The following DPP6 variants were observed in gnomAD, a reference collection of about 807,000 sequenced individuals.
DPP6 encodes the protein A-type potassium channel modulatory protein DPP6.
Under a neutral mutation model 122.6 loss-of-function variants are expected in DPP6, and 69 were observed. The observed-to-expected ratio is 0.56, with a 90% CI of 0.46 to 0.69. The LOEUF is 0.69. Ranked by LOEUF, DPP6 falls within the 30% of genes least tolerant of loss-of-function variation. The pLI is 0.00. For missense variants in DPP6, 928 were observed against 1,116.9 expected (o/e 0.83, Z 2.41); for synonymous variants, 418 against 433.1 (o/e 0.97, Z 0.43).
At chr7:154,252,025 T>A (rs763923595) in intron 1 of DPP6, among the ~76,000 whole-genome samples, 1 of 152,216 alleles carries the variant, frequency 6.6e-6, no homozygotes, top group Non-Finnish European at 1.5e-5. Flanking sequence ...GAGCACCTTG[T>A]GAAATAACAT....
intron 1 of DPP6, among the ~76,000 whole-genome samples, chr7:154,432,044 A>AATG (rs1818471575): frequency 6.6e-6 from 1 of 152,060 alleles, no homozygotes; most frequent in South Asian, 2.1e-4. Flanking sequence ...TGGAAGAAAA[A>AATG]ATGGGGGTAA....
At chr7:153,956,104 G>A (rs1271542740) in intron 1 of DPP6, among the ~76,000 whole-genome samples, 3 of 152,210 alleles carry the variant, frequency 2.0e-5, no homozygotes, top group South Asian at 2.1e-4. Flanking sequence ...TCCTGTGACC[G>A]AGCCAAGGGT....
intron 7 of DPP6, among the ~76,000 whole-genome samples, chr7:154,713,824 G>T (rs1841332153): frequency 6.6e-6 from 1 of 152,170 alleles, no homozygotes; most frequent in East Asian, 1.9e-4. Flanking sequence ...TTAACATTGG[G>T]TTCCTTGTTA....
At chr7:154,455,453 G>A (rs746393444) in intron 2 of DPP6, among the ~76,000 whole-genome samples, 22 of 152,138 alleles carry the variant, frequency 1.4e-4, no homozygotes, top group Admixed American at 2.6e-4. Context: ...CCTTGAACAT[G>A]ACCAGTGAAT....
At chr7:154,091,120 C>CAAAA (rs71850251) in intron 1 of DPP6, among the ~76,000 whole-genome samples, 1 of 123,246 alleles carries the variant, frequency 8.1e-6, no homozygotes, top group African/African-American at 2.8e-5. Flanking sequence ...GACTCCTTCT[C>CAAAA]AAAAAAAAAA....
At chr7:154,432,049 G>A (rs1359521624) in intron 1 of DPP6, among the ~76,000 whole-genome samples, 1 of 152,114 alleles carries the variant, frequency 6.6e-6, no homozygotes, top group Non-Finnish European at 1.5e-5. Context: ...GAAAAAATGG[G>A]GGTAACGGTA....
chr7:153,908,617 A>G (rs532048878), intron 1 of DPP6, among the ~76,000 whole-genome samples: 1 of 152,320 alleles, frequency 6.6e-6, no homozygotes, highest in African/African-American at 2.4e-5. Context: ...AATTCAATGT[A>G]TTTCAAATGA....
At chr7:153,842,428 T>C in the DPP6 span, among the ~76,000 whole-genome samples, 1 of 152,172 alleles carries the variant, frequency 6.6e-6, no homozygotes, top group Non-Finnish European at 1.5e-5. Flanking sequence ...ATTTGCCTTA[T>C]AGGTTTTTCT....
intron 7 of DPP6, among the ~76,000 whole-genome samples, chr7:154,701,575 G>T (rs1840530955): frequency 6.6e-6 from 1 of 152,222 alleles, no homozygotes; most frequent in African/African-American, 2.4e-5. Context: ...TTAGCGTGGT[G>T]TGCGGGGAGT....
intron 1 of DPP6, among the ~76,000 whole-genome samples, chr7:154,066,295 G>A (rs1376940884): frequency 1.3e-5 from 2 of 152,064 alleles, no homozygotes; most frequent in Non-Finnish European, 2.9e-5. Context: ...CCTGGCCTCA[G>A]GTGATCTGCC....
At chr7:154,072,375 A>G (rs541948444) in intron 1 of DPP6, among the ~76,000 whole-genome samples, 2 of 152,206 alleles carry the variant, frequency 1.3e-5, no homozygotes, top group South Asian at 2.1e-4. Flanking sequence ...TGCTAACAGC[A>G]TGCTGCTGCT....
At position 154,199,514 on chromosome 7, in the gene DPP6, C is replaced by T. The variant is rs146616077; in HGVS notation, c.243+146451C>T. On this transcript the variant is annotated intron_variant, in intron 1 of 25. Transcript: ENST00000377770. The stretch of plus-strand genomic sequence containing the variant: ...TACACATTTTGTTCATTTATTTGCC[C>T]GTCCTTTAGATATTCATGAAGAATT... Among the ~76,000 whole-genome samples the T allele has an allele frequency of 5.3e-5, 8 of 152,168 alleles. No homozygotes were observed. In the East Asian group the frequency reaches 1.5e-3, roughly 29 times the overall value.
chr7:154,555,246 T>C (rs987480982), intron 4 of DPP6, among the ~76,000 whole-genome samples: 13 of 152,124 alleles, frequency 8.5e-5, no homozygotes, highest in African/African-American at 3.1e-4. Context: ...AAACCTAACA[T>C]ATATTAGTTT....
chr7:154,888,088 T>C (rs1472330413), intron 23 of DPP6, among the ~76,000 whole-genome samples: 1 of 67,688 alleles, frequency 1.5e-5, no homozygotes, highest in Non-Finnish European at 2.5e-5. Context: ...GAGAGTGAGC[T>C]TTTTTTTTTT....
intron 1 of DPP6, among the ~76,000 whole-genome samples, chr7:153,894,836 A>G (rs1250169539): frequency 6.6e-6 from 1 of 152,192 alleles, no homozygotes; most frequent in Non-Finnish European, 1.5e-5. Context: ...TTGAATAAAT[A>G]TTGCCATCAA....
chr7:154,253,304 C>G (rs898582978), intron 1 of DPP6, among the ~76,000 whole-genome samples: 1 of 152,166 alleles, frequency 6.6e-6, no homozygotes, highest in African/African-American at 2.4e-5. Flanking sequence ...CTGGTAGGTA[C>G]CTGGAGCAGG....
intron 1 of DPP6, among the ~76,000 whole-genome samples, chr7:154,007,951 C>G (rs1204931060): frequency 6.6e-6 from 1 of 152,202 alleles, no homozygotes; most frequent in Non-Finnish European, 1.5e-5. Context: ...TGAGGCATAC[C>G]ATGCCGTGAG....
At chr7:154,596,738 T>A (rs1833118108) in intron 5 of DPP6, among the ~76,000 whole-genome samples, 1 of 152,188 alleles carries the variant, frequency 6.6e-6, no homozygotes, top group Non-Finnish European at 1.5e-5. Flanking sequence ...ATAAGAATAA[T>A]GAGCCCTTAA....
intron 1 of DPP6, among the ~76,000 whole-genome samples, chr7:154,355,886 G>C (rs1811234851): frequency 1.3e-5 from 2 of 152,060 alleles, no homozygotes; most frequent in African/African-American, 4.8e-5. Context: ...CACTCACATA[G>C]TGGTTGAGAT....
Sources: gnomAD v4.1 joint callset for allele counts (sites outside exome capture counted in the v4.1 genomes callset) on GRCh38, gnomAD v4.1.1 for gene constraint, MANE v1.5 for transcripts, NCBI Gene and HGNC (gene_info 2026-07-23, HGNC 2026-07-21) for gene names.